Variants in POLR3H observed in about 807,000 individuals in gnomAD.
POLR3H encodes RNA polymerase III subunit H.
POLR3H carries 17 observed loss-of-function variants against 25.5 expected under a neutral mutation model. The observed-to-expected ratio is 0.67, with a 90% confidence interval of 0.46 to 1.00. POLR3H has a LOEUF of 1.00. Among genes scored for constraint, POLR3H ranks in the 50% least tolerant of loss-of-function variants. The probability of loss-of-function intolerance (pLI) is 0.00; values close to 1 mark genes in which losing one functional copy is unlikely to be tolerated. For missense variants in POLR3H, 274 were observed against 265.0 expected (o/e 1.03, Z -0.24); for synonymous variants, 129 against 103.0 (o/e 1.25, Z -1.53).
In POLR3H at chr22:41,528,927, T is replaced by C. The variant is rs1328980924; in HGVS notation, c.*356A>G. 3.9e-6 allele frequency: 2 copies of C among 512,942 alleles called. No homozygotes were observed. The highest frequency in any genetic ancestry group is 1.9e-5 in the African/African-American group (1 of 51,360). The allele number at this position is 512,942 out of a possible 1,614,324, so 31.8% of individuals were successfully genotyped here. On this transcript the variant is annotated 3_prime_UTR_variant, in exon 6 of 6. Transcript: ENST00000355209. ...GATCATTTCATTGGTGGCTGAAGGA[T>C]TCTAGAGAACCTTTTGTTCTTGCAA... is the stretch of plus-strand genomic sequence containing the variant.
chr22:41,530,560 AC>A, intron 5 of POLR3H, 126 bp downstream of exon 5: 1 of 849,688 alleles, frequency 1.2e-6, no homozygotes, highest in Non-Finnish European at 1.8e-6. Context: ...ACCAGCCAAG[AC>A]CCCCCAAACA....
intron 2 of POLR3H, among the ~76,000 whole-genome samples, chr22:41,538,506 C>T (rs780935793): frequency 2.0e-5 from 3 of 152,092 alleles, no homozygotes; most frequent in East Asian, 1.9e-4. Context: ...GTGATGCACC[C>T]GCCTTTACCT....
intron 2 of POLR3H, chr22:41,533,407 C>T: frequency 1.2e-6 from 1 of 820,436 alleles, no homozygotes; most frequent in Non-Finnish European, 1.6e-6. Flanking sequence ...CGCGGCTGCC[C>T]CCTGCTGGTT....
chr22:41,532,172 G>A lies in POLR3H; in HGVS notation c.296-15C>T. The stretch of plus-strand genomic sequence containing the variant: ...GCCTAGAGAGACTGGAAGGAAGGAA[G>A]CAGGTGACGGCCTGAGATGGGGGTC... On this transcript the variant is annotated splice_polypyrimidine_tract_variant and intron_variant, in intron 3 of 5. Transcript: ENST00000355209. 1 of 1,613,518 alleles carries A rather than the reference G, an allele frequency of 6.2e-7. No homozygotes were observed. Among genetic ancestry groups the A allele is most frequent in the Non-Finnish European group, 8.5e-7 (1 of 1,179,544 alleles).
rs1378875666 is a variant in POLR3H, at chr22:41,526,759, G to A, written c.*2524C>T. 1 of 371,448 alleles carries A rather than the reference G, an allele frequency of 2.7e-6. No individual in the cohort carries two copies. The highest frequency in any genetic ancestry group is 4.9e-6 in the Non-Finnish European group (1 of 203,540). 23.0% of individuals were successfully genotyped at this position (371,448 alleles called of 1,614,324 possible). A position where few individuals can be genotyped will look rare whatever the true frequency, so the allele number is the denominator to read the frequency against. On this transcript the variant is annotated 3_prime_UTR_variant, in exon 6 of 6. Transcript: ENST00000355209. Reference sequence around the variant, plus strand: ...CAGGAAGTCAGAGGCCAAAAGCTCAGAGAGGGGGCTACACGGGGCCTCACA... The same window carrying A: ...CAGGAAGTCAGAGGCCAAAAGCTCAAAGAGGGGGCTACACGGGGCCTCACA...
Position 41,527,042 on chromosome 22 carries a change from T to G in POLR3H, c.*2241A>C. ...CCTGCCTCTGCCAAGCACCAATGGG[T>G]GGCTTCTGTCTTCTTTGCCACTGCA... On this transcript the variant is annotated 3_prime_UTR_variant, in exon 6 of 6. Coordinates refer to ENST00000355209, the MANE Select transcript of POLR3H (RefSeq NM_001018050.4). The G allele has an allele frequency of 1.7e-6, 1 of 583,656 alleles. No homozygotes were observed. Among genetic ancestry groups the G allele is most frequent in the Non-Finnish European group, 3.0e-6 (1 of 330,160 alleles). 36.2% of individuals were successfully genotyped at this position (583,656 alleles called of 1,614,324 possible).
chr22:41,532,226 TA>T (rs2066749910), intron 3 of POLR3H, 69 bp from the exon 4 acceptor site: 3 of 1,490,816 alleles, frequency 2.0e-6, no homozygotes, highest in Non-Finnish European at 2.8e-6. Flanking sequence ...TGCGGGGTCT[TA>T]TGCTTGACAG....
chr22:41,534,449 CCA>C (rs1339328867), intron 2 of POLR3H, among the ~76,000 whole-genome samples: 3 of 152,162 alleles, frequency 2.0e-5, no homozygotes, highest in Non-Finnish European at 2.9e-5. Context: ...GACACAAAAG[CCA>C]CACAGTGTGC....
At chr22:41,543,872 G>A in intron 1 of POLR3H, 119 bp downstream of exon 1, 1 of 742,630 alleles carries the variant, frequency 1.3e-6, no homozygotes, top group Non-Finnish European at 2.5e-6. Flanking sequence ...GAAAAGTTCT[G>A]AGACATTAAG....
chr22:41,536,252 G>A lies in POLR3H; in HGVS notation c.209-3507C>T, dbSNP rs1426453820. On this transcript the variant is annotated intron_variant, in intron 2 of 5. Transcript: ENST00000355209. ...CTAAAGATACAAAAAAAAATTAGCC[G>A]GGCGTGGTGGCGGGCACCTGTAGTC... Among the ~76,000 whole-genome samples, 6 of 151,632 alleles carry A rather than the reference G, an allele frequency of 4.0e-5. No individual in the cohort carries two copies. In the East Asian group the frequency reaches 9.9e-4, roughly 25 times the overall value.
At chr22:41,532,623 C>A in intron 3 of POLR3H, 36 bp downstream of exon 3, 1 of 1,613,844 alleles carries the variant, frequency 6.2e-7, no homozygotes, top group South Asian at 1.1e-5. Flanking sequence ...CCACAGTGTT[C>A]CCAAGTCTTG....
intron 3 of POLR3H, 24 bp downstream of exon 3, chr22:41,532,635 C>T (rs374721761): frequency 1.8e-5 from 29 of 1,613,808 alleles, no homozygotes; most frequent in Non-Finnish European, 2.3e-5. Context: ...CAAGTCTTGT[C>T]TGAGGCGTCA....
chr22:41,544,306 A>C lies in POLR3H; in HGVS notation c.-205T>G. 2.0e-6 allele frequency: 1 copy of C among 494,360 alleles called. No individual in the cohort carries two copies. The highest frequency in any genetic ancestry group is 3.6e-6 in the Non-Finnish European group (1 of 277,582). 30.6% of individuals were successfully genotyped at this position (494,360 alleles called of 1,614,324 possible). A position where few individuals can be genotyped will look rare whatever the true frequency, so the allele number is the denominator to read the frequency against. ...GAGGAAACTGAGGCCAGAGGGAGGC[A>C]CTCTCCGTCCACAGCTCCGGGTGCG... On this transcript the variant is annotated 5_prime_UTR_variant, in exon 1 of 6. Transcript: ENST00000355209.
chr22:41,527,774 GTC>G lies in POLR3H; in HGVS notation c.*1507_*1508del. 6.7e-7 allele frequency: 1 copy of G among 1,498,286 alleles called. No individual in the cohort carries two copies. Among genetic ancestry groups the G allele is most frequent in the Non-Finnish European group, 9.0e-7 (1 of 1,108,642 alleles). 92.8% of individuals were successfully genotyped at this position (1,498,286 alleles called of 1,614,324 possible). On this transcript the variant is annotated 3_prime_UTR_variant, in exon 6 of 6. Coordinates refer to ENST00000355209, the MANE Select transcript of POLR3H (RefSeq NM_001018050.4). ...AAAGGGAGCAGACCAGGGCCCCATA[GTC>G]ACTGCCCGGGCATTGTCCCAGGCAG...
chr22:41,533,825 A>G (rs966629160), intron 2 of POLR3H: 24 of 716,304 alleles, frequency 3.4e-5, no homozygotes, highest in Admixed American at 2.2e-4. Context: ...ACATGGCCCA[A>G]CATTCAGTTT....
In POLR3H at chr22:41,527,685, T is replaced by A; in HGVS notation, c.*1598A>T. 1.2e-6 allele frequency: 1 copy of A among 804,968 alleles called. No homozygotes were observed. The highest frequency in any genetic ancestry group is 1.9e-6 in the Non-Finnish European group (1 of 521,506). The allele number at this position is 804,968 out of a possible 1,614,324, so 49.9% of individuals were successfully genotyped here. A position where few individuals can be genotyped will look rare whatever the true frequency, so the allele number is the denominator to read the frequency against. On this transcript the variant is annotated 3_prime_UTR_variant, in exon 6 of 6. Coordinates refer to ENST00000355209, the MANE Select transcript of POLR3H (RefSeq NM_001018050.4). ...CCAGGGGGTTCTTTCTGATCATGAA[T>A]GTGCAGCAGGAAGGCCTCGCAGACC...
In POLR3H at chr22:41,532,761, G is replaced by A. The variant is rs773520161; in HGVS notation, c.209-16C>T. The A allele has an allele frequency of 2.5e-6, 4 of 1,612,142 alleles. No homozygotes were observed. The highest frequency in any genetic ancestry group is 3.4e-6 in the Non-Finnish European group (4 of 1,178,882). Reference sequence around the variant, plus strand: ...CGAAAATGGACTGGAAATGAAGACAGCCCATCAGTGATGCTGACCGGGGCC... The same window carrying A: ...CGAAAATGGACTGGAAATGAAGACAACCCATCAGTGATGCTGACCGGGGCC... On this transcript the variant is annotated splice_polypyrimidine_tract_variant and intron_variant, in intron 2 of 5. Transcript: ENST00000355209.
In POLR3H at chr22:41,533,460, G is replaced by A. The variant is rs1361330348; in HGVS notation, c.209-715C>T. On this transcript the variant is annotated intron_variant, in intron 2 of 5. Transcript: ENST00000355209. ...CGTGAGGATAAGGCAGTGGCTCAGAGCCAGGGTGACCCACTCACAGCCACA... is the reference window on the plus strand; with the variant it reads ...CGTGAGGATAAGGCAGTGGCTCAGAACCAGGGTGACCCACTCACAGCCACA... 3 of 1,143,542 alleles carry A rather than the reference G, an allele frequency of 2.6e-6. 1 individual carries two copies. The highest frequency in any genetic ancestry group is 3.2e-5 in the South Asian group (2 of 62,748). 70.8% of individuals were successfully genotyped at this position (1,143,542 alleles called of 1,614,324 possible). A position where few individuals can be genotyped will look rare whatever the true frequency, so the allele number is the denominator to read the frequency against.
intron 5 of POLR3H, 29 bp downstream of exon 5, chr22:41,530,658 G>A (rs2066709501): frequency 6.3e-7 from 1 of 1,589,972 alleles, no homozygotes; most frequent in East Asian, 2.3e-5. Context: ...CCGCCTCATG[G>A]GGGCTTCAGC....
Sources: allele counts gnomAD v4.1 joint callset (sites outside exome capture counted in the v4.1 genomes callset), GRCh38; gene constraint gnomAD v4.1.1; transcripts MANE v1.5; gene names NCBI Gene and HGNC (gene_info 2026-07-23, HGNC 2026-07-21).